TCF12: variants seen among roughly 807,000 people sequenced by gnomAD.
TCF12 encodes DNA-binding protein HTF4.
A neutral mutation model predicts 86.0 loss-of-function variants in TCF12; 45 were observed. The observed-to-expected ratio is 0.52, with a 90% CI of 0.41 to 0.67. TCF12 has a LOEUF of 0.67. Among genes scored for constraint, TCF12 ranks in the 30% least tolerant of loss-of-function variants. TCF12 has a pLI of 0.00. For missense variants in TCF12, 881 were observed against 859.9 expected (o/e 1.02, Z -0.31); for synonymous variants, 330 against 299.6 (o/e 1.10, Z -1.05).
chr15:57,207,154 C>T (rs1191134828), intron 8 of TCF12, among the ~76,000 whole-genome samples: 1 of 152,026 alleles, frequency 6.6e-6, no homozygotes, highest in African/African-American at 2.4e-5. Flanking sequence ...TAGTTGCTGG[C>T]AGCTTGGGAA....
chr15:57,235,335 A>AG (rs2059336712), intron 12 of TCF12, among the ~76,000 whole-genome samples: 1 of 152,232 alleles, frequency 6.6e-6, no homozygotes, highest in Admixed American at 6.5e-5. Context: ...ATTACAGATG[A>AG]GGAACTAAGG....
intron 12 of TCF12, among the ~76,000 whole-genome samples, chr15:57,242,530 G>A (rs1210548999): frequency 6.6e-6 from 1 of 152,120 alleles, no homozygotes; most frequent in East Asian, 1.9e-4. Flanking sequence ...AGCTCGGCAT[G>A]GTGGCATGCA....
chr15:57,219,321 A>G (rs1006808387), intron 8 of TCF12: 36 of 1,226,434 alleles, frequency 2.9e-5, no homozygotes, highest in Non-Finnish European at 3.7e-5. Flanking sequence ...CTTGATGGAA[A>G]TTGAAAGAGG....
At chr15:57,143,254 A>G (rs2053119923) in intron 5 of TCF12, among the ~76,000 whole-genome samples, 1 of 152,104 alleles carries the variant, frequency 6.6e-6, no homozygotes, top group Non-Finnish European at 1.5e-5. Flanking sequence ...TAAAATTCAA[A>G]CAGGGTCTGA....
At chr15:57,111,609 T>TA (rs1567444832) in intron 5 of TCF12, among the ~76,000 whole-genome samples, 3 of 145,918 alleles carry the variant, frequency 2.1e-5, no homozygotes, top group Admixed American at 6.8e-5. Context: ...TTTTTTTTTT[T>TA]AAGATAGGGT....
intron 7 of TCF12, among the ~76,000 whole-genome samples, chr15:57,196,056 A>G (rs2057248068): frequency 6.6e-6 from 1 of 151,938 alleles, no homozygotes; most frequent in Admixed American, 6.6e-5. Context: ...TCATTTATGG[A>G]CCAGGAAAAT....
chr15:57,115,693 A>T (rs1398524182), intron 5 of TCF12, among the ~76,000 whole-genome samples: 2 of 152,304 alleles, frequency 1.3e-5, no homozygotes, highest in East Asian at 3.9e-4. Flanking sequence ...ATATTATTAT[A>T]AATTAGTCAA....
At chr15:57,256,497 C>G (rs1262158278) in intron 16 of TCF12, among the ~76,000 whole-genome samples, 8 of 152,156 alleles carry the variant, frequency 5.3e-5, no homozygotes, top group Admixed American at 3.3e-4. Context: ...ATCCTCCTAA[C>G]TAATCATGAC....
intron 5 of TCF12, among the ~76,000 whole-genome samples, chr15:57,161,977 A>G (rs1320113118): frequency 6.6e-6 from 1 of 152,182 alleles, no homozygotes; most frequent in African/African-American, 2.4e-5. Context: ...GTACATTTAT[A>G]ATCGTGATTC....
intron 5 of TCF12, among the ~76,000 whole-genome samples, chr15:57,123,831 G>A (rs543034474): frequency 3.9e-5 from 6 of 151,960 alleles, no homozygotes; most frequent in Non-Finnish European, 7.4e-5. Context: ...CTGGTGGCAG[G>A]CGCCTGTAGT....
chr15:57,271,532 C>G (rs1237616018), intron 18 of TCF12, among the ~76,000 whole-genome samples: 1 of 152,210 alleles, frequency 6.6e-6, no homozygotes. Flanking sequence ...ATCCCCCAAC[C>G]CCTTGCACTT....
At chr15:57,281,249 C>T (rs758680172) in intron 19 of TCF12, among the ~76,000 whole-genome samples, 27 of 152,094 alleles carry the variant, frequency 1.8e-4, no homozygotes, top group Non-Finnish European at 3.4e-4. Context: ...TGAAAATGCC[C>T]GTGTCACAGA....
intron 3 of TCF12, among the ~76,000 whole-genome samples, chr15:57,042,407 C>T (rs1277402550): frequency 2.0e-5 from 3 of 151,960 alleles, no homozygotes; most frequent in Non-Finnish European, 4.4e-5. Flanking sequence ...TGCAAAAAAA[C>T]GTGATTTTCC....
At chr15:57,247,304 C>T in intron 13 of TCF12, 2 of 656,518 alleles carry the variant, frequency 3.0e-6, no homozygotes, top group Non-Finnish European at 5.6e-6. Context: ...ACCACCTTCA[C>T]CACCATAGCC....
chr15:56,967,380 T>C (rs2062057257), intron 3 of TCF12, among the ~76,000 whole-genome samples: 1 of 152,194 alleles, frequency 6.6e-6, no homozygotes, highest in African/African-American at 2.4e-5. Flanking sequence ...GAAATACTTG[T>C]CAAGGACATT....
At chr15:57,224,007 C>T (rs1181950349) in intron 8 of TCF12, among the ~76,000 whole-genome samples, 1 of 151,802 alleles carries the variant, frequency 6.6e-6, no homozygotes, top group African/African-American at 2.4e-5. Context: ...ACATTTTTCC[C>T]CTTTACCAAA....
At chr15:57,089,121 C>T (rs1221406753) in intron 4 of TCF12, among the ~76,000 whole-genome samples, 1 of 152,180 alleles carries the variant, frequency 6.6e-6, no homozygotes, top group Non-Finnish European at 1.5e-5. Context: ...CTCTATTTGT[C>T]CCTTCTCCCA....
chr15:56,932,330 C>T (rs2060282023), intron 3 of TCF12, among the ~76,000 whole-genome samples: 1 of 152,130 alleles, frequency 6.6e-6, no homozygotes, highest in Non-Finnish European at 1.5e-5. Flanking sequence ...CCTGTGGTTT[C>T]TTATTGCCCC....
intron 3 of TCF12, among the ~76,000 whole-genome samples, chr15:56,980,066 A>G (rs1201463496): frequency 4.6e-5 from 7 of 152,084 alleles, no homozygotes; most frequent in African/African-American, 1.7e-4. Context: ...ATAAGTCAAG[A>G]TTTTTGTTTT....
Sources: allele counts gnomAD v4.1 joint callset (sites outside exome capture counted in the v4.1 genomes callset), GRCh38; gene constraint gnomAD v4.1.1; transcripts MANE v1.5; gene names NCBI Gene and HGNC (gene_info 2026-07-23, HGNC 2026-07-21).